COPS3: variants seen among roughly 807,000 people sequenced by gnomAD.
COPS3 encodes COP9 signalosome complex subunit 3.
A neutral mutation model predicts 58.2 loss-of-function variants in COPS3; 10 were observed. The ratio of observed to expected loss-of-function variants is 0.17; its 90% CI spans 0.11 to 0.29. The LOEUF is 0.29. Ranked by LOEUF, COPS3 falls within the 10% of genes least tolerant of loss-of-function variation. The pLI, the probability that COPS3 is intolerant of heterozygous loss-of-function variation, is 1.00. For missense variants in COPS3, 333 were observed against 510.1 expected (o/e 0.65, Z 3.34); for synonymous variants, 187 against 181.7 (o/e 1.03, Z -0.24).
At chr17:17,264,526 G>A (rs1400317680) in intron 6 of COPS3, among the ~76,000 whole-genome samples, 1 of 152,150 alleles carries the variant, frequency 6.6e-6, no homozygotes, top group Non-Finnish European at 1.5e-5. Context: ...AGCTATAAAG[G>A]TCAAGAGATG....
Position 17,263,476 on chromosome 17 carries a change from G to T in COPS3, c.621+1326C>A, listed in dbSNP as rs367563888. 3.2e-3 allele frequency among the ~76,000 whole-genome samples: 475 copies of T among 150,566 alleles called. 1 individual carries two copies. The highest frequency in any genetic ancestry group is 9.4e-3 in the East Asian group (47 of 5,024). ...GGCCTCCCAGTGTGCTGGGATTACA[G>T]GTGTGAGCCACCTCACCCAGCCTCT... On this transcript the variant is annotated intron_variant, in intron 6 of 11. Coordinates refer to ENST00000268717, the MANE Select transcript of COPS3 (RefSeq NM_003653.4).
chr17:17,280,904 G>A, intron 1 of COPS3: 1 of 935,886 alleles, frequency 1.1e-6, no homozygotes, highest in Admixed American at 3.1e-5. Context: ...GGCTCCCGGC[G>A]GCCCGAGGGA....
chr17:17,264,738 T>A, intron 6 of COPS3, 64 bp downstream of exon 6: 1 of 1,383,922 alleles, frequency 7.2e-7, no homozygotes, highest in Non-Finnish European at 9.9e-7. Flanking sequence ...GCCACAAACC[T>A]ATGGGAGCAC....
At chr17:17,271,058 A>G (rs966259070) in intron 2 of COPS3, 50 bp from the exon 3 acceptor site, 2 of 1,285,746 alleles carry the variant, frequency 1.6e-6, no homozygotes, top group Non-Finnish European at 1.1e-6. Flanking sequence ...CATGGGATAA[A>G]ATACAGAAAC....
chr17:17,265,860 G>A (rs190051510), intron 5 of COPS3, among the ~76,000 whole-genome samples: 9 of 152,198 alleles, frequency 5.9e-5, no homozygotes, highest in Middle Eastern at 6.8e-3. Flanking sequence ...CTGAACTAGT[G>A]GAATAGAAAG....
At chr17:17,279,685 T>C (rs2048534396) in intron 1 of COPS3, among the ~76,000 whole-genome samples, 1 of 152,202 alleles carries the variant, frequency 6.6e-6, no homozygotes, top group Non-Finnish European at 1.5e-5. Context: ...AACTTTGCAA[T>C]TAATGACGGT....
chr17:17,258,246 C>T (rs2048021015), intron 8 of COPS3, among the ~76,000 whole-genome samples: 1 of 152,172 alleles, frequency 6.6e-6, no homozygotes, highest in African/African-American at 2.4e-5. Flanking sequence ...CTTTGTGAGT[C>T]ACTACCCCAG....
At chr17:17,254,664 A>C (rs964032112) in intron 9 of COPS3, among the ~76,000 whole-genome samples, 195 bp downstream of exon 9, 20 of 152,106 alleles carry the variant, frequency 1.3e-4, no homozygotes, top group African/African-American at 3.9e-4. Flanking sequence ...ACAAAAATTT[A>C]GCCGGGCATG....
At chr17:17,268,851 A>AAAT (rs1425933617) in intron 4 of COPS3, among the ~76,000 whole-genome samples, 29 of 148,952 alleles carry the variant, frequency 1.9e-4, no homozygotes, top group Admixed American at 8.8e-4. Flanking sequence ...CAACAACAAA[A>AAAT]ATATATATAT....
chr17:17,247,811 G>A (rs931308140), intron 10 of COPS3: 5 of 396,034 alleles, frequency 1.3e-5, no homozygotes, highest in Non-Finnish European at 2.3e-5. Flanking sequence ...CTTTTGCAGT[G>A]AAACGAGTAT....
intron 1 of COPS3, chr17:17,280,842 C>T (rs2048566986): frequency 1.6e-6 from 2 of 1,235,146 alleles, no homozygotes; most frequent in Admixed American, 6.4e-5. Context: ...AGTCACGCCC[C>T]CAAACTGTCA....
intron 9 of COPS3, among the ~76,000 whole-genome samples, chr17:17,249,730 G>C (rs2047800026): frequency 6.6e-6 from 1 of 152,156 alleles, no homozygotes; most frequent in African/African-American, 2.4e-5. Flanking sequence ...GACTTTAGGT[G>C]AGCCATCCGC....
chr17:17,270,613 G>T (rs922043661), intron 4 of COPS3, 145 bp downstream of exon 4: 6 of 746,502 alleles, frequency 8.0e-6, no homozygotes, highest in South Asian at 1.9e-5. Flanking sequence ...TGAGCTTACA[G>T]CAATGGCTGT....
chr17:17,270,942 G>C lies in COPS3; in HGVS notation c.252C>G (p.Phe84Leu). The change falls in exon 3 of 12, where the codon TTC becomes TTG. Residue 84 changes from phenylalanine (F) to leucine (L), a missense_variant. Transcript: ENST00000268717. ...FETLFSQVQL[F>L]ISTCNGEHIR... ...TGTGCTCCCCATTACAAGTGCTGAT[G>C]AAGAGCTGAACCTGTGAGAATAGCG... 1 of 1,614,020 alleles carries C rather than the reference G, an allele frequency of 6.2e-7. No homozygotes were observed. The highest frequency in any genetic ancestry group is 8.5e-7 in the Non-Finnish European group (1 of 1,180,012).
intron 1 of COPS3, among the ~76,000 whole-genome samples, 181 bp downstream of exon 1, chr17:17,280,951 G>C (rs1332162324): frequency 6.6e-6 from 1 of 152,152 alleles, no homozygotes; most frequent in Non-Finnish European, 1.5e-5. Flanking sequence ...GAGCGCGAGG[G>C]GGCTGCCTAC....
intron 2 of COPS3, among the ~76,000 whole-genome samples, chr17:17,273,473 AG>A (rs1282745104): frequency 2.0e-5 from 3 of 152,152 alleles, no homozygotes; most frequent in Admixed American, 6.5e-5. Context: ...TGCTGGGCAC[AG>A]TGGCTCACAC....
At chr17:17,275,280 G>T (rs2048438222) in intron 2 of COPS3, among the ~76,000 whole-genome samples, 1 of 151,952 alleles carries the variant, frequency 6.6e-6, no homozygotes, top group African/African-American at 2.4e-5. Context: ...TAGAGACAGG[G>T]TTTCACCAGT....
chr17:17,277,205 T>A (rs1444468746), intron 1 of COPS3, among the ~76,000 whole-genome samples: 1 of 152,192 alleles, frequency 6.6e-6, no homozygotes, highest in Non-Finnish European at 1.5e-5. Context: ...TAGACCCTCA[T>A]CTCAGCTCCC....
chr17:17,279,710 G>A (rs1163389599), intron 1 of COPS3, among the ~76,000 whole-genome samples: 1 of 152,148 alleles, frequency 6.6e-6, no homozygotes, highest in Non-Finnish European at 1.5e-5. Flanking sequence ...ATAATTTGCA[G>A]CTATATTTAT....
Sources: gnomAD v4.1 joint callset for allele counts (sites outside exome capture counted in the v4.1 genomes callset) on GRCh38, gnomAD v4.1.1 for gene constraint, MANE v1.5 for transcripts, NCBI Gene and HGNC (gene_info 2026-07-23, HGNC 2026-07-21) for gene names.